Variants in PTGIS observed in about 807,000 individuals in gnomAD.
PTGIS encodes prostacyclin synthase.
Under a neutral mutation model 50.3 loss-of-function variants are expected in PTGIS, and 45 were observed. That is an observed-to-expected ratio of 0.90 (90% CI 0.70 to 1.15). The LOEUF (loss-of-function observed/expected upper bound fraction) is 1.15. PTGIS is among the 50% of genes most tolerant of loss of function. PTGIS has a pLI of 0.00. For missense variants in PTGIS, 668 were observed against 661.3 expected (o/e 1.01, Z -0.11); for synonymous variants, 260 against 267.7 (o/e 0.97, Z 0.28).
chr20:49,518,589 G>C (rs970301063), intron 6 of PTGIS, among the ~76,000 whole-genome samples: 5 of 151,398 alleles, frequency 3.3e-5, no homozygotes, highest in African/African-American at 4.9e-5. Context: ...GGGTATTTGG[G>C]AACTCCTGTA....
At chr20:49,544,495 T>C (rs1982310151) in intron 3 of PTGIS, 47 bp from the exon 4 acceptor site, 2 of 1,610,072 alleles carry the variant, frequency 1.2e-6, no homozygotes, top group Admixed American at 3.3e-5. Context: ...CAAAGGGAAA[T>C]ACACACCTAC....
intron 5 of PTGIS, among the ~76,000 whole-genome samples, chr20:49,531,521 T>C (rs190993078): frequency 6.6e-6 from 1 of 152,356 alleles, no homozygotes; most frequent in East Asian, 1.9e-4. Context: ...ATTATTTCAA[T>C]ATTTAGGTTG....
chr20:49,510,781 G>A (rs1016389065), intron 9 of PTGIS, among the ~76,000 whole-genome samples: 2 of 152,216 alleles, frequency 1.3e-5, no homozygotes, highest in African/African-American at 2.4e-5. Flanking sequence ...CAGTCTTGGA[G>A]GGAAGAACCT....
intron 1 of PTGIS, 113 bp downstream of exon 1, chr20:49,567,930 T>G (rs937578438): frequency 3.9e-6 from 4 of 1,026,886 alleles, no homozygotes; most frequent in Non-Finnish European, 5.2e-6. Context: ...TTGCCCGGGA[T>G]ACTGGAGCGG....
intron 5 of PTGIS, among the ~76,000 whole-genome samples, chr20:49,537,141 A>C (rs1232854050): frequency 1.3e-5 from 2 of 152,140 alleles, no homozygotes; most frequent in Non-Finnish European, 2.9e-5. Context: ...CAGTTTTCCA[A>C]GCTCTCCCCT....
At chr20:49,550,869 C>G (rs1174159589) in intron 1 of PTGIS, among the ~76,000 whole-genome samples, 1 of 152,172 alleles carries the variant, frequency 6.6e-6, no homozygotes, top group Non-Finnish European at 1.5e-5. Context: ...TCACTTCCAA[C>G]AAGGAAGGCA....
intron 1 of PTGIS, among the ~76,000 whole-genome samples, chr20:49,559,264 G>C (rs1328016650): frequency 6.6e-6 from 1 of 152,136 alleles, no homozygotes; most frequent in Non-Finnish European, 1.5e-5. Context: ...TGGTAGAAGA[G>C]CACACCTCTC....
intron 5 of PTGIS, among the ~76,000 whole-genome samples, chr20:49,537,542 G>A (rs4810965): frequency 0.13 from 20,193 of 151,876 alleles, 1,435 homozygotes; most frequent in African/African-American, 0.17. Flanking sequence ...ATCTCCTGAG[G>A]TCAGGAGTTT....
chr20:49,547,701 T>C, intron 3 of PTGIS, 140 bp downstream of exon 3: 7 of 995,610 alleles, frequency 7.0e-6, no homozygotes, highest in Non-Finnish European at 1.1e-5. Context: ...GGTTGTTTTT[T>C]GTTTTGTTTC....
intron 5 of PTGIS, among the ~76,000 whole-genome samples, chr20:49,527,636 T>C (rs1386404791): frequency 6.6e-6 from 1 of 152,116 alleles, no homozygotes; most frequent in East Asian, 1.9e-4. Flanking sequence ...GCACAAAGCT[T>C]TTGTTTAGAA....
chr20:49,513,357 G>T, intron 7 of PTGIS, 96 bp from the exon 8 acceptor site: 2 of 1,400,886 alleles, frequency 1.4e-6, no homozygotes, highest in Non-Finnish European at 2.0e-6. Flanking sequence ...AGATGAAGAG[G>T]CTCAGAGAGG....
At chr20:49,534,345 A>G (rs1473677948) in intron 5 of PTGIS, among the ~76,000 whole-genome samples, 2 of 152,228 alleles carry the variant, frequency 1.3e-5, no homozygotes, top group African/African-American at 2.4e-5. Context: ...AGCACCCCAC[A>G]GCAATGTTCG....
intron 5 of PTGIS, among the ~76,000 whole-genome samples, chr20:49,536,334 T>A (rs576744619): frequency 2.0e-5 from 3 of 152,320 alleles, no homozygotes; most frequent in Admixed American, 6.5e-5. Context: ...TTTGGCTTTT[T>A]AAAAATATAT....
intron 2 of PTGIS, 57 bp downstream of exon 2, chr20:49,550,009 C>T (rs1024733410): frequency 1.2e-6 from 2 of 1,613,454 alleles, no homozygotes; most frequent in African/African-American, 1.3e-5. Flanking sequence ...CAACAGAAAC[C>T]AGATATGAGG....
At chr20:49,539,495 T>TA in intron 5 of PTGIS, 75 bp downstream of exon 5, 1 of 1,524,084 alleles carries the variant, frequency 6.6e-7, no homozygotes, top group Non-Finnish European at 8.9e-7. Flanking sequence ...CCTCTGGTCC[T>TA]CTACCTTGAA....
At position 49,540,758 on chromosome 20, in the gene PTGIS, A is replaced by G. The variant is rs1437072950; in HGVS notation, c.522-1037T>C. 6.6e-6 allele frequency among the ~76,000 whole-genome samples: 1 copy of G among 152,134 alleles called. No individual in the cohort carries two copies. The highest frequency in any genetic ancestry group is 6.5e-5 in the Admixed American group (1 of 15,278). On this transcript the variant is annotated intron_variant, in intron 4 of 9. Coordinates refer to ENST00000244043, the MANE Select transcript of PTGIS (RefSeq NM_000961.4). The surrounding 1 kb of genome is among the most constrained non-coding windows in gnomAD (Gnocchi z 4.8). ...TGCCCCAGGAGTCCAGCCCCAGCCC[A>G]GCGGGCTGACCTCAGTCCTGGGAGG... is the stretch of plus-strand genomic sequence containing the variant.
At chr20:49,515,405 G>T (rs1981449945) in intron 6 of PTGIS, among the ~76,000 whole-genome samples, 1 of 152,272 alleles carries the variant, frequency 6.6e-6, no homozygotes, top group South Asian at 2.1e-4. Flanking sequence ...CAGCTCTTTG[G>T]TATGTGGCTA....
At chr20:49,539,962 C>T (rs528391810) in intron 4 of PTGIS, among the ~76,000 whole-genome samples, 2 of 152,286 alleles carry the variant, frequency 1.3e-5, no homozygotes, top group East Asian at 1.9e-4. Context: ...ATGAATAATG[C>T]GCCAGCTGGT....
chr20:49,517,051 C>CA (rs1981499968), intron 6 of PTGIS, among the ~76,000 whole-genome samples: 1 of 152,248 alleles, frequency 6.6e-6, no homozygotes, highest in Non-Finnish European at 1.5e-5. Context: ...AGGCTGAATG[C>CA]AAGCAATCCC....
Sources: gnomAD v4.1 joint callset for allele counts (sites outside exome capture counted in the v4.1 genomes callset) on GRCh38, gnomAD v4.1.1 for gene constraint, Gnocchi (gnomAD v3.1) non-coding constraint, MANE v1.5 for transcripts, NCBI Gene and HGNC (gene_info 2026-07-23, HGNC 2026-07-21) for gene names.